The following PXK variants were observed in gnomAD, a reference collection of about 807,000 sequenced individuals.
The protein encoded by PXK is PX domain containing serine/threonine kinase like.
In PXK, 35 loss-of-function variants were observed where a neutral mutation model predicts 84.7. The observed-to-expected ratio is 0.41, with a 90% CI of 0.32 to 0.55. PXK has a LOEUF of 0.55. PXK is among the 20% of genes least tolerant of loss of function. The pLI, the probability that PXK is intolerant of heterozygous loss-of-function variation, is 0.21. For synonymous variants in PXK, 253 were observed against 260.8 expected (o/e 0.97, Z 0.29); for missense variants, 634 against 699.7 (o/e 0.91, Z 1.06).
In PXK at chr3:58,382,672, T is replaced by C; in HGVS notation, c.360T>C (p.Asp120=). ...SNCELVKKFL[D]PNNYSANYTE... ...GTGAGCTGGTTAAGAAGTTTTTAGA[T>C]CCAAACAACTATTCCGCAAACTATA... The change falls in exon 4 of 18, where the codon GAT becomes GAC. Residue 120 remains aspartate, a synonymous_variant. Coordinates refer to ENST00000356151, the MANE Select transcript of PXK (RefSeq NM_017771.5). The C allele has an allele frequency of 6.3e-7, 1 of 1,581,096 alleles. No homozygotes were observed. The highest frequency in any genetic ancestry group is 8.6e-7 in the Non-Finnish European group (1 of 1,169,450).
Position 58,424,745 on chromosome 3 carries a change from T to G in PXK, c.1529-7T>G. ...TGAATACTGATTGTCCCCCTTTTCC[T>G]CCACAGGGATATCTGCATTACCTCC... On this transcript the variant is annotated splice_region_variant and splice_polypyrimidine_tract_variant and intron_variant, in intron 17 of 17. Coordinates refer to ENST00000356151, the MANE Select transcript of PXK (RefSeq NM_017771.5). The G allele has an allele frequency of 6.2e-7, 1 of 1,612,712 alleles. No homozygotes were observed. Among genetic ancestry groups the G allele is most frequent in the South Asian group, 1.1e-5 (1 of 90,892 alleles).
rs1484308574 is a variant in PXK, at chr3:58,390,449, TA to T, written c.389-132del. On this transcript the variant is annotated intron_variant, in intron 4 of 17. Transcript: ENST00000356151. The surrounding 1 kb of genome is among the most constrained non-coding windows in gnomAD (Gnocchi z 4.2). ...TGTGTGTATTTTCTTTCTTTATTAT[TA>T]TTTTTTTTTTGGTAATTAAGTTTTT... The T allele has an allele frequency of 6.6e-5, 32 of 485,874 alleles. No homozygotes were observed. Among genetic ancestry groups the T allele is most frequent in the African/African-American group, 4.9e-4 (25 of 50,538 alleles). The allele number at this position is 485,874 out of a possible 1,614,324, so 30.1% of individuals were successfully genotyped here. A position where few individuals can be genotyped will look rare whatever the true frequency, so the allele number is the denominator to read the frequency against.
chr3:58,370,401 C>T lies in PXK; in HGVS notation c.201+923C>T, dbSNP rs1201278135. On this transcript the variant is annotated intron_variant, in intron 3 of 17. Coordinates refer to ENST00000356151, the MANE Select transcript of PXK (RefSeq NM_017771.5). The surrounding 1 kb of genome is among the most constrained non-coding windows in gnomAD (Gnocchi z 4.2). Reference sequence around the variant, plus strand: ...GTCCTGCCAATACCCGCCATGTCTTCACTTGGCAGGCTGGTCTTCAAGTGC... The same window carrying T: ...GTCCTGCCAATACCCGCCATGTCTTTACTTGGCAGGCTGGTCTTCAAGTGC... Among the ~76,000 whole-genome samples, 1 of 152,194 alleles carries T rather than the reference C, an allele frequency of 6.6e-6. No individual in the cohort carries two copies. Among genetic ancestry groups the T allele is most frequent in the Non-Finnish European group, 1.5e-5 (1 of 68,042 alleles).
At chr3:58,423,141 T>G in intron 17 of PXK, 1 of 985,342 alleles carries the variant, frequency 1.0e-6, no homozygotes, top group Non-Finnish European at 1.2e-6. Flanking sequence ...CCTCCTGGTA[T>G]TTCACTGGTT....
intron 4 of PXK, among the ~76,000 whole-genome samples, chr3:58,388,088 A>G (rs1194031900): frequency 2.0e-5 from 3 of 152,216 alleles, no homozygotes; most frequent in Non-Finnish European, 4.4e-5. Context: ...TAGGACTGAA[A>G]TGTGTTGCCC....
In PXK at chr3:58,399,789, GGTCTGCCCTCCAGGAA is replaced by G. The variant is rs2058285270; in HGVS notation, c.1181+414_1181+429del. Among the ~76,000 whole-genome samples, 1 of 151,946 alleles carries G rather than the reference GGTCTGCCCTCCAGGAA, an allele frequency of 6.6e-6. No homozygotes were observed. On this transcript the variant is annotated intron_variant, in intron 12 of 17. Transcript: ENST00000356151. This position sits in a 1 kb window ranked among gnomAD's most constrained non-coding sequence, Gnocchi z 4.3. ...GTTCACAAGTCACAGGGCCTTGAAG[GGTCTGCCCTCCAGGAA>G]GAGGGCAACGTGTTTCTGAGCACCC...
chr3:58,395,798 T>C (rs1362740608), intron 9 of PXK, 39 bp downstream of exon 9: 1 of 1,513,774 alleles, frequency 6.6e-7, no homozygotes, highest in Admixed American at 1.8e-5. Flanking sequence ...TCAGATTTCA[T>C]CCAAAATTGC....
intron 3 of PXK, among the ~76,000 whole-genome samples, chr3:58,371,209 T>A (rs909206749): frequency 1.3e-5 from 2 of 152,260 alleles, no homozygotes; most frequent in African/African-American, 4.8e-5. Flanking sequence ...CATTTGAGTC[T>A]TCAGATAGAA....
At chr3:58,381,770 T>C (rs1451056361) in intron 3 of PXK, among the ~76,000 whole-genome samples, 1 of 151,958 alleles carries the variant, frequency 6.6e-6, no homozygotes, top group Non-Finnish European at 1.5e-5. Flanking sequence ...TAATGGGAAA[T>C]CTACAGATAA....
At chr3:58,423,637 A>G in intron 17 of PXK, 1 of 1,403,674 alleles carries the variant, frequency 7.1e-7, no homozygotes, top group Non-Finnish European at 9.5e-7. Flanking sequence ...GTTACTTATC[A>G]CAACTCAGTA....
chr3:58,373,601 G>A (rs2098407815), intron 3 of PXK, among the ~76,000 whole-genome samples: 2 of 152,198 alleles, frequency 1.3e-5, no homozygotes, highest in South Asian at 4.1e-4. Context: ...CTGGAATATG[G>A]TTGAAGGCAA....
chr3:58,382,173 G>A (rs530809987), intron 3 of PXK, among the ~76,000 whole-genome samples: 24 of 152,056 alleles, frequency 1.6e-4, no homozygotes, highest in African/African-American at 5.5e-4. Context: ...AAAATTAGCT[G>A]GGCGTGATGT....
At chr3:58,405,163 G>A (rs2059203391) in intron 13 of PXK, among the ~76,000 whole-genome samples, 1 of 152,172 alleles carries the variant, frequency 6.6e-6, no homozygotes, top group Non-Finnish European at 1.5e-5. Flanking sequence ...AAGATATACA[G>A]GAGACTGGTA....
rs1209824415 is a variant in PXK at position 58,390,022 on chromosome 3, A to C, written c.389-560A>C. Among the ~76,000 whole-genome samples the C allele has an allele frequency of 2.0e-5, 3 of 150,442 alleles. No homozygotes were observed. Among genetic ancestry groups the C allele is most frequent in the South Asian group, 2.1e-4 (1 of 4,734 alleles). On this transcript the variant is annotated intron_variant, in intron 4 of 17. Coordinates refer to ENST00000356151, the MANE Select transcript of PXK (RefSeq NM_017771.5). The surrounding 1 kb of genome is among the most constrained non-coding windows in gnomAD (Gnocchi z 4.2). ...CTCAAAAAAAAAAAAAAAAAAAAAAAAACAATTTAGCCAGGCGTGATGGCC... is the reference window on the plus strand; with the variant it reads ...CTCAAAAAAAAAAAAAAAAAAAAAACAACAATTTAGCCAGGCGTGATGGCC...
intron 1 of PXK, among the ~76,000 whole-genome samples, chr3:58,348,538 A>C (rs1477903916): frequency 6.6e-6 from 1 of 152,196 alleles, no homozygotes; most frequent in Admixed American, 6.5e-5. Flanking sequence ...AGTAAAAAGA[A>C]ACAGGTGAAA....
In PXK at chr3:58,425,068, CAA is replaced by C; in HGVS notation, c.*110_*111del. ...AGTAATTGCTGAGCCAGTACAGCCACAAACAGTACTATTTTGCAGATGCTCAT... is the reference window on the plus strand; with the variant it reads ...AGTAATTGCTGAGCCAGTACAGCCACACAGTACTATTTTGCAGATGCTCAT... On this transcript the variant is annotated 3_prime_UTR_variant, in exon 18 of 18. Transcript: ENST00000356151. 6.9e-7 allele frequency: 1 copy of C among 1,451,422 alleles called. No homozygotes were observed. The highest frequency in any genetic ancestry group is 9.2e-7 in the Non-Finnish European group (1 of 1,081,638). The allele number at this position is 1,451,422 out of a possible 1,614,324, so 89.9% of individuals were successfully genotyped here.
chr3:58,336,061 ATATATATATATTTTTTTTT>A (rs1233729408), intron 1 of PXK, among the ~76,000 whole-genome samples: 17 of 57,874 alleles, frequency 2.9e-4, no homozygotes, highest in African/African-American at 1.8e-3. Context: ...ATATATATAT[ATATATATATATTTTTTTTT>A]TTTTTTTTTA....
rs1281154706 is a variant in PXK, at chr3:58,412,516, G to A, written c.1466-385G>A. Among the ~76,000 whole-genome samples the A allele has an allele frequency of 6.6e-6, 1 of 152,152 alleles. No homozygotes were observed. Among genetic ancestry groups the A allele is most frequent in the African/African-American group, 2.4e-5 (1 of 41,440 alleles). On this transcript the variant is annotated intron_variant, in intron 16 of 17. Coordinates refer to ENST00000356151, the MANE Select transcript of PXK (RefSeq NM_017771.5). This position sits in a 1 kb window ranked among gnomAD's most constrained non-coding sequence, Gnocchi z 6.2. ...TCCCTTCCTTTGGAAGCCCCCAGCA[G>A]GCTGCTCTGCACCTCTCTGTCTGCT...
At chr3:58,361,978 A>C (rs1443310377) in intron 1 of PXK, among the ~76,000 whole-genome samples, 1 of 152,132 alleles carries the variant, frequency 6.6e-6, no homozygotes, top group African/African-American at 2.4e-5. Flanking sequence ...TGAGTGATCC[A>C]GTTTTTTTGT....
Sources: allele counts gnomAD v4.1 joint callset (sites outside exome capture counted in the v4.1 genomes callset), GRCh38; gene constraint gnomAD v4.1.1; non-coding constraint Gnocchi (gnomAD v3.1); transcripts MANE v1.5; gene names NCBI Gene and HGNC (gene_info 2026-07-23, HGNC 2026-07-21).